The following PTPRN2 variants were observed in gnomAD, a reference collection of about 807,000 sequenced individuals.
The protein encoded by PTPRN2 is protein tyrosine phosphatase receptor type N2.
Under a neutral mutation model 118.8 loss-of-function variants are expected in PTPRN2, and 74 were observed. That is an observed-to-expected ratio of 0.62 (90% CI 0.52 to 0.76). The LOEUF is 0.76. Ranked by LOEUF, PTPRN2 falls within the 30% of genes least tolerant of loss-of-function variation. The pLI, the probability that PTPRN2 is intolerant of heterozygous loss-of-function variation, is 0.00. For synonymous variants in PTPRN2, 641 were observed against 608.0 expected (o/e 1.05, Z -0.80); for missense variants, 1,481 against 1,394.4 (o/e 1.06, Z -0.99).
At chr7:158,321,536 G>A (rs10262246) in intron 2 of PTPRN2, among the ~76,000 whole-genome samples, 9,194 of 152,270 alleles carry the variant, frequency 0.06, 906 homozygotes, top group African/African-American at 0.21. Context: ...GTGCATCACC[G>A]CACCGCAGTG....
intron 11 of PTPRN2, among the ~76,000 whole-genome samples, chr7:157,915,155 A>T (rs1036543591): frequency 2.0e-5 from 3 of 151,990 alleles, no homozygotes; most frequent in Non-Finnish European, 4.4e-5. Context: ...CTTTCAATTA[A>T]CTTTTGTCCT....
chr7:157,601,442 A>G (rs1039610767), intron 16 of PTPRN2, among the ~76,000 whole-genome samples: 18 of 140,594 alleles, frequency 1.3e-4, no homozygotes, highest in African/African-American at 5.3e-4. Context: ...TTACAACCCA[A>G]ATTTGGAAAA....
In PTPRN2 at chr7:157,621,417, G is replaced by C. The variant is rs867101370; in HGVS notation, c.2289C>G (p.Phe763Leu). 6.2e-7 allele frequency: 1 copy of C among 1,612,664 alleles called. No individual in the cohort carries two copies. Among genetic ancestry groups the C allele is most frequent in the Non-Finnish European group, 8.5e-7 (1 of 1,179,656 alleles). Residue 763 changes from phenylalanine (F) to leucine (L), a missense_variant, in exon 15 of 23, where the codon TTC (phenylalanine) becomes TTG (leucine). By Grantham distance (22) the Phe-to-Leu change is conservative. This residue lies in a region of PTPRN2 where 362 missense variants were observed against 384.1 expected (regional missense o/e 0.94). Coordinates refer to ENST00000389418, the MANE Select transcript of PTPRN2 (RefSeq NM_002847.5). ...GCACGTTCTCCTCCCTCTGGGCCAC[G>C]AACGAGCTGTTGGGCTCCGCCTGGT... is the stretch of plus-strand genomic sequence containing the variant. ...CAYQAEPNSS[F>L]VAQREENVPK... is the part of the protein sequence containing the mutation.
chr7:158,336,769 A>G (rs1350954901), intron 2 of PTPRN2, among the ~76,000 whole-genome samples: 151 of 99,414 alleles, frequency 1.5e-3, no homozygotes, highest in Middle Eastern at 5.4e-3. Context: ...GTCTCACCAT[A>G]AGAGGTGACA....
intron 9 of PTPRN2, among the ~76,000 whole-genome samples, chr7:158,128,501 T>C (rs1256740131): frequency 8.6e-5 from 13 of 151,782 alleles, no homozygotes; most frequent in Admixed American, 8.5e-4. Context: ...GAAAATAAAC[T>C]CGAATGCAAA....
intron 12 of PTPRN2, among the ~76,000 whole-genome samples, chr7:157,776,579 CCTCTTCTTCTCCCTCTCCTCCT>C (rs1803298223): frequency 6.5e-5 from 1 of 15,448 alleles, no homozygotes. Context: ...TCTCCTCCTC[CCTCTTCTTCTCCCTCTCCTCCT>C]CTCTCCTCCT....
chr7:158,211,520 T>A (rs1469796694), intron 3 of PTPRN2, among the ~76,000 whole-genome samples: 1 of 151,958 alleles, frequency 6.6e-6, no homozygotes, highest in Non-Finnish European at 1.5e-5. Context: ...TAGAAAAAAA[T>A]TTCAATAATC....
chr7:158,041,841 GT>G (rs1471913329), intron 11 of PTPRN2, among the ~76,000 whole-genome samples: 2 of 152,166 alleles, frequency 1.3e-5, no homozygotes, highest in Non-Finnish European at 2.9e-5. Flanking sequence ...TCATTGACAT[GT>G]GACCCTTCCC....
At chr7:158,558,372 C>T (rs1228232186) in intron 1 of PTPRN2, among the ~76,000 whole-genome samples, 1 of 152,184 alleles carries the variant, frequency 6.6e-6, no homozygotes, top group Non-Finnish European at 1.5e-5. Context: ...GTTGGATTGT[C>T]TCTAGCCTAT....
chr7:158,580,413 C>T (rs10081215), intron 1 of PTPRN2, among the ~76,000 whole-genome samples: 42 of 152,314 alleles, frequency 2.8e-4, no homozygotes, highest in Admixed American at 9.2e-4. Flanking sequence ...AAATTCCTTC[C>T]GCCAAACAAA....
At chr7:158,566,668 G>A (rs767329041) in intron 1 of PTPRN2, among the ~76,000 whole-genome samples, 6 of 152,164 alleles carry the variant, frequency 3.9e-5, no homozygotes, top group Non-Finnish European at 7.3e-5. Context: ...GCCACCCTTC[G>A]CGGGGTTTGG....
In PTPRN2 at chr7:158,432,357, A is replaced by G. The variant is rs1309893139; in HGVS notation, c.163+57378T>C. 3.9e-5 allele frequency among the ~76,000 whole-genome samples: 6 copies of G among 152,182 alleles called. 1 individual carries two copies. The South Asian group carries it at 8.3e-4, about 21-fold the overall frequency. Reference sequence around the variant, plus strand: ...ACCTCTCAAGCTAGGGCTGACTACAAACGACAAAGTCCTGTAACACAGAGC... The same window carrying G: ...ACCTCTCAAGCTAGGGCTGACTACAGACGACAAAGTCCTGTAACACAGAGC... On this transcript the variant is annotated intron_variant, in intron 2 of 22. Coordinates refer to ENST00000389418, the MANE Select transcript of PTPRN2 (RefSeq NM_002847.5).
At chr7:158,249,173 C>A (rs1011147714) in intron 3 of PTPRN2, among the ~76,000 whole-genome samples, 23 of 152,164 alleles carry the variant, frequency 1.5e-4, no homozygotes, top group South Asian at 4.1e-4. Flanking sequence ...CACGTGCACA[C>A]AGCACACACA....
intron 1 of PTPRN2, among the ~76,000 whole-genome samples, chr7:158,558,757 TAAAAAAAAAAA>T (rs769102456): frequency 1.7e-5 from 1 of 59,772 alleles, no homozygotes. Flanking sequence ...AGTGCTAGAC[TAAAAAAAAAAA>T]AAAAAAAAAA....
intron 12 of PTPRN2, among the ~76,000 whole-genome samples, chr7:157,758,813 T>C (rs1453834346): frequency 1.3e-5 from 2 of 151,980 alleles, no homozygotes; most frequent in African/African-American, 2.4e-5. Context: ...AGAAAATCCC[T>C]GATTTCACGG....
chr7:158,071,556 GTGGAGGTGCTCC>G (rs1563391925), intron 11 of PTPRN2, among the ~76,000 whole-genome samples: 15 of 49,730 alleles, frequency 3.0e-4, no homozygotes, highest in East Asian at 2.0e-3. Context: ...GCTCCTGGTG[GTGGAGGTGCTCC>G]TGGTGGAGGT....
At chr7:157,665,747 A>G (rs5013565) in intron 13 of PTPRN2, among the ~76,000 whole-genome samples, 58,356 of 152,052 alleles carry the variant, frequency 0.38, 12,256 homozygotes, top group Non-Finnish European at 0.49. Context: ...ATGTCCATCA[A>G]TGATAGACTG....
At chr7:158,151,653 C>A (rs1821177047) in intron 6 of PTPRN2, among the ~76,000 whole-genome samples, 1 of 152,090 alleles carries the variant, frequency 6.6e-6, no homozygotes, top group Non-Finnish European at 1.5e-5. Flanking sequence ...ACTCCCCCGC[C>A]CCCTCCTTCT....
intron 11 of PTPRN2, among the ~76,000 whole-genome samples, chr7:158,071,531 C>CATG (rs1811661821): frequency 2.5e-5 from 2 of 80,030 alleles, no homozygotes; most frequent in African/African-American, 5.0e-5. Flanking sequence ...TGGAGATGCT[C>CATG]GTGATGATGG....
Sources: allele counts gnomAD v4.1 joint callset (sites outside exome capture counted in the v4.1 genomes callset), GRCh38; gene constraint gnomAD v4.1.1; regional missense constraint gnomAD v4.1.1; transcripts MANE v1.5; gene names NCBI Gene and HGNC (gene_info 2026-07-23, HGNC 2026-07-21).